Variants in CDH2 observed in about 807,000 individuals in gnomAD.
CDH2 encodes the protein cadherin 2, also known as cadherin-2.
Under a neutral mutation model 92.0 loss-of-function variants are expected in CDH2, and 17 were observed. That is an observed-to-expected ratio of 0.18 (90% CI 0.13 to 0.28). The LOEUF (loss-of-function observed/expected upper bound fraction) is 0.28, where lower values mean the gene tolerates loss of function less well. Among genes scored for constraint, CDH2 ranks in the 10% least tolerant of loss-of-function variants. CDH2 has a pLI of 1.00. For synonymous variants in CDH2, 419 were observed against 415.9 expected, an observed-to-expected ratio of 1.01 and a Z score of -0.09; for missense variants, 862 against 1,133.1, an observed-to-expected ratio of 0.76 and a Z score of 3.44.
At chr18:28,137,932 C>T (rs1199569575) in intron 2 of CDH2, among the ~76,000 whole-genome samples, 2 of 151,884 alleles carry the variant, frequency 1.3e-5, no homozygotes, top group African/African-American at 4.8e-5. Flanking sequence ...AAATCACAGG[C>T]CAAGAATTAA....
chr18:28,172,104 C>T (rs553943760), intron 1 of CDH2, among the ~76,000 whole-genome samples: 177 of 141,142 alleles, frequency 1.3e-3, no homozygotes, highest in African/African-American at 4.7e-3. Context: ...TGTGTGTGTG[C>T]GTGTGTGTAT....
At chr18:28,174,553 T>C (rs1303080775) in intron 1 of CDH2, among the ~76,000 whole-genome samples, 2 of 152,186 alleles carry the variant, frequency 1.3e-5, no homozygotes, top group Non-Finnish European at 2.9e-5. Flanking sequence ...TTCCTGAAGG[T>C]TTAAAAAAGT....
intron 2 of CDH2, among the ~76,000 whole-genome samples, chr18:28,139,006 GTT>G (rs1165095112): frequency 2.0e-5 from 3 of 151,950 alleles, no homozygotes; most frequent in African/African-American, 7.2e-5. Context: ...TGAAAATGCT[GTT>G]TACATCATTG....
In CDH2 at chr18:28,057,420, C is replaced by A. The variant is rs1000430969; in HGVS notation, c.173-43511G>T. Among the ~76,000 whole-genome samples, 4 of 152,190 alleles carry A rather than the reference C, an allele frequency of 2.6e-5. No individual in the cohort carries two copies. The East Asian group carries it at 7.7e-4, about 29-fold the overall frequency. On this transcript the variant is annotated intron_variant, in intron 2 of 15. Transcript: ENST00000269141. The stretch of plus-strand genomic sequence containing the variant: ...GTGGCTCACGCCTGTAATCCCAACA[C>A]TTCAGGAGGCTGAGGTGGGCGGATC...
At chr18:27,955,415 T>TAA (rs757894669) in intron 15 of CDH2, among the ~76,000 whole-genome samples, 11 of 116,010 alleles carry the variant, frequency 9.5e-5, no homozygotes, top group African/African-American at 2.8e-4. Flanking sequence ...AATGACAAGT[T>TAA]AAAAAAAAAA....
chr18:28,010,203 A>G (rs1444218651), intron 4 of CDH2, among the ~76,000 whole-genome samples: 2 of 152,212 alleles, frequency 1.3e-5, no homozygotes. Flanking sequence ...ACGATTTAAC[A>G]TAGTAAGAGC....
intron 2 of CDH2, among the ~76,000 whole-genome samples, chr18:28,018,258 T>C (rs897112546): frequency 1.3e-5 from 2 of 148,638 alleles, no homozygotes; most frequent in African/African-American, 2.5e-5. Flanking sequence ...TGGAAACACA[T>C]ACCATGCTCA....
At chr18:27,984,558 C>T (rs1237904970) in intron 13 of CDH2, among the ~76,000 whole-genome samples, 3 of 152,150 alleles carry the variant, frequency 2.0e-5, no homozygotes, top group East Asian at 1.9e-4. Context: ...CCTTGATCCT[C>T]GCATGACTGG....
Position 28,176,801 on chromosome 18 carries a change from C to T in CDH2, c.60+162G>A, listed in dbSNP as rs2628605. Among the ~76,000 whole-genome samples the T allele has an allele frequency of 0.84, 126,976 of 150,328 alleles. 53,726 individuals are homozygous for T. Among genetic ancestry groups the T allele is most frequent in the African/African-American group, 0.87 (35,938 of 41,228 alleles). On this transcript the variant is annotated intron_variant, in intron 1 of 15. Coordinates refer to ENST00000269141, the MANE Select transcript of CDH2 (RefSeq NM_001792.5). ...CCTGCCCCGGCGCCCGGACGGAGCC[C>T]GATGCCTGCGCAGCTACCGGCCGCG... is the stretch of plus-strand genomic sequence containing the variant.
chr18:28,081,286 T>C (rs1266898014), intron 2 of CDH2, among the ~76,000 whole-genome samples: 1 of 152,212 alleles, frequency 6.6e-6, no homozygotes, highest in Non-Finnish European at 1.5e-5. Flanking sequence ...TCCCTAGCTG[T>C]ACTTCATACC....
intron 2 of CDH2, among the ~76,000 whole-genome samples, chr18:28,080,551 AC>A (rs2144189138): frequency 6.6e-6 from 1 of 152,304 alleles, no homozygotes; most frequent in Non-Finnish European, 1.5e-5. Context: ...AAACCTGGAA[AC>A]CTTTGATTAT....
intron 14 of CDH2, among the ~76,000 whole-genome samples, chr18:27,974,452 T>G (rs1463759963): frequency 6.6e-6 from 1 of 152,244 alleles, no homozygotes; most frequent in Non-Finnish European, 1.5e-5. Context: ...ATTTTCCATT[T>G]TTAATTCTGC....
At chr18:27,934,781 G>A (rs537154332) in intron 6 of CDH2, among the ~76,000 whole-genome samples, 50 of 152,250 alleles carry the variant, frequency 3.3e-4, no homozygotes, top group African/African-American at 1.2e-3. Flanking sequence ...CTGGAAGCAA[G>A]TGGAAGATTT....
At chr18:28,167,504 G>A (rs952796086) in intron 1 of CDH2, among the ~76,000 whole-genome samples, 3 of 152,048 alleles carry the variant, frequency 2.0e-5, no homozygotes, top group Non-Finnish European at 4.4e-5. Context: ...GAAAGATTCT[G>A]CGTACTGAGT....
chr18:27,944,775 A>AG (rs1284633554), intron 6 of CDH2, among the ~76,000 whole-genome samples: 1 of 150,502 alleles, frequency 6.6e-6, no homozygotes, highest in Non-Finnish European at 1.5e-5. Flanking sequence ...AAAAAAAAAA[A>AG]AGGCCAGGCA....
chr18:28,168,206 C>G (rs568308149), intron 1 of CDH2, among the ~76,000 whole-genome samples: 311 of 149,058 alleles, frequency 2.1e-3, no homozygotes, highest in Non-Finnish European at 1.8e-3. Flanking sequence ...ATCCACCCAC[C>G]AACAACAGGT....
intron 1 of CDH2, among the ~76,000 whole-genome samples, chr18:28,166,134 T>A (rs1215115773): frequency 1.3e-4 from 4 of 31,878 alleles, no homozygotes; most frequent in African/African-American, 6.4e-4. Context: ...CAAAGAGGAG[T>A]AATTCAGACA....
At chr18:27,969,764 C>T (rs2011612088) in intron 14 of CDH2, among the ~76,000 whole-genome samples, 1 of 152,210 alleles carries the variant, frequency 6.6e-6, no homozygotes, top group Non-Finnish European at 1.5e-5. Context: ...CGCCTGTAAT[C>T]CCAGCTCTTT....
chr18:28,157,320 T>C (rs2016235228), intron 1 of CDH2, among the ~76,000 whole-genome samples: 3 of 152,192 alleles, frequency 2.0e-5, no homozygotes, highest in Admixed American at 2.0e-4. Flanking sequence ...TTCATTCAAC[T>C]AAAGACACTC....
Sources: gnomAD v4.1 joint callset for allele counts (sites outside exome capture counted in the v4.1 genomes callset) on GRCh38, gnomAD v4.1.1 for gene constraint, MANE v1.5 for transcripts, NCBI Gene and HGNC (gene_info 2026-07-23, HGNC 2026-07-21) for gene names.